Variants in MCTP2 observed in about 807,000 individuals in gnomAD.
MCTP2 encodes multiple C2 and transmembrane domain containing 2, also known as multiple C2 and transmembrane domain-containing protein 2.
A neutral mutation model predicts 111.6 loss-of-function variants in MCTP2; 132 were observed. The observed-to-expected ratio is 1.18, with a 90% CI of 1.03 to 1.37. MCTP2 has a LOEUF of 1.37. MCTP2 is among the 40% of genes most tolerant of loss of function. The pLI is 0.00. For missense variants in MCTP2, 1,183 were observed against 1,067.9 expected (o/e 1.11, Z -1.50); for synonymous variants, 395 against 387.7 (o/e 1.02, Z -0.22).
At chr15:94,435,397 A>G (rs1442283331) in intron 17 of MCTP2, among the ~76,000 whole-genome samples, 1 of 152,132 alleles carries the variant, frequency 6.6e-6, no homozygotes, top group Non-Finnish European at 1.5e-5. Flanking sequence ...ATTCTAAAAT[A>G]CTGTGTTGCT....
At chr15:94,284,810 A>G (rs549847111) in intron 1 of MCTP2, among the ~76,000 whole-genome samples, 4 of 148,942 alleles carry the variant, frequency 2.7e-5, no homozygotes, top group African/African-American at 9.6e-5. Flanking sequence ...GAAAATGATT[A>G]TGGGCTGAGG....
At chr15:94,426,140 TTGAGAG>T (rs960181600) in intron 17 of MCTP2, among the ~76,000 whole-genome samples, 4 of 59,540 alleles carry the variant, frequency 6.7e-5, no homozygotes, top group South Asian at 5.9e-4. Context: ...GAGAGAGAGA[TTGAGAG>T]AGAGAGAGAG....
At chr15:94,459,724 C>T (rs1399433087) in intron 20 of MCTP2, among the ~76,000 whole-genome samples, 1 of 152,028 alleles carries the variant, frequency 6.6e-6, no homozygotes, top group Non-Finnish European at 1.5e-5. Flanking sequence ...TATTCATTTC[C>T]TCACTCAACT....
chr15:94,274,795 C>A (rs888595910), intron 1 of MCTP2, among the ~76,000 whole-genome samples: 2 of 152,058 alleles, frequency 1.3e-5, no homozygotes, highest in Non-Finnish European at 2.9e-5. Context: ...AAAAATGCCA[C>A]CAATTTTACA....
At chr15:94,368,093 G>A (rs2152436112) in intron 11 of MCTP2, among the ~76,000 whole-genome samples, 1 of 151,410 alleles carries the variant, frequency 6.6e-6, no homozygotes, top group Non-Finnish European at 1.5e-5. Context: ...TCCTGCTTAG[G>A]CTGTGTGTGT....
chr15:94,392,965 TAAC>T (rs2081078312), intron 14 of MCTP2, among the ~76,000 whole-genome samples: 2 of 152,168 alleles, frequency 1.3e-5, no homozygotes, highest in African/African-American at 4.8e-5. Context: ...GTTTATGAAT[TAAC>T]AATTAAAAAT....
At chr15:94,247,657 A>G (rs915185720) in intron 1 of MCTP2, among the ~76,000 whole-genome samples, 1 of 152,188 alleles carries the variant, frequency 6.6e-6, no homozygotes, top group Non-Finnish European at 1.5e-5. Context: ...CTGACCTTCA[A>G]TCAGTAAGAC....
intron 1 of MCTP2, among the ~76,000 whole-genome samples, chr15:94,286,684 A>AT (rs894508463): frequency 5.9e-5 from 9 of 152,186 alleles, no homozygotes; most frequent in Admixed American, 5.9e-4. Context: ...TCAATCAGAG[A>AT]TTTGGGGGCT....
intron 1 of MCTP2, among the ~76,000 whole-genome samples, chr15:94,244,761 T>C (rs539776760): frequency 6.7e-6 from 1 of 149,826 alleles, no homozygotes; most frequent in Non-Finnish European, 1.5e-5. Context: ...CACCTATGTT[T>C]ATATTCGTAT....
At chr15:94,245,866 G>A (rs1340319488) in intron 1 of MCTP2, among the ~76,000 whole-genome samples, 1 of 151,670 alleles carries the variant, frequency 6.6e-6, no homozygotes, top group Admixed American at 6.6e-5. Flanking sequence ...ATGATTTCAC[G>A]TTTAAACAGG....
At chr15:94,244,275 CATA>C (rs2071518322) in intron 1 of MCTP2, among the ~76,000 whole-genome samples, 1 of 142,470 alleles carries the variant, frequency 7.0e-6, no homozygotes, top group Non-Finnish European at 1.5e-5. Flanking sequence ...TATATACACA[CATA>C]TATACACATA....
At chr15:94,243,251 G>A (rs965993635) in intron 1 of MCTP2, among the ~76,000 whole-genome samples, 2 of 147,572 alleles carry the variant, frequency 1.4e-5, no homozygotes, top group Non-Finnish European at 3.0e-5. Flanking sequence ...GCGTATATGC[G>A]TATATACATA....
At chr15:94,451,071 C>T (rs566023452) in intron 19 of MCTP2, among the ~76,000 whole-genome samples, 2 of 151,964 alleles carry the variant, frequency 1.3e-5, no homozygotes, top group Non-Finnish European at 1.5e-5. Flanking sequence ...AATTTTTTTT[C>T]TTTTTTAAAA....
intron 17 of MCTP2, among the ~76,000 whole-genome samples, chr15:94,412,290 CT>C (rs199560639): frequency 2.1e-3 from 292 of 140,426 alleles, no homozygotes; most frequent in Non-Finnish European, 2.2e-3. Context: ...TTGGACTCTG[CT>C]TTTTTTTTTT....
At chr15:94,414,354 T>C (rs2082285055) in intron 17 of MCTP2, among the ~76,000 whole-genome samples, 1 of 152,160 alleles carries the variant, frequency 6.6e-6, no homozygotes, top group African/African-American at 2.4e-5. Context: ...CAATTACTCA[T>C]GAGGGAGAGG....
intron 4 of MCTP2, among the ~76,000 whole-genome samples, chr15:94,332,387 A>C (rs1261493409): frequency 1.3e-5 from 2 of 152,234 alleles, no homozygotes; most frequent in Non-Finnish European, 2.9e-5. Flanking sequence ...GTATATTCAG[A>C]AGACTATAAA....
intron 17 of MCTP2, among the ~76,000 whole-genome samples, chr15:94,406,639 G>A (rs906272933): frequency 6.6e-6 from 1 of 152,108 alleles, no homozygotes; most frequent in Non-Finnish European, 1.5e-5. Context: ...CCAGCCCCTG[G>A]GCATCACATG....
chr15:94,243,879 T>TTATGTACACATA (rs1202065650), intron 1 of MCTP2, among the ~76,000 whole-genome samples: 1 of 147,958 alleles, frequency 6.8e-6, no homozygotes, highest in East Asian at 2.0e-4. Context: ...GTGTATATAT[T>TTATGTACACATA]TATGTACACA....
chr15:94,438,747 A>G (rs1178339800), intron 17 of MCTP2, among the ~76,000 whole-genome samples: 1 of 152,190 alleles, frequency 6.6e-6, no homozygotes, highest in African/African-American at 2.4e-5. Flanking sequence ...AGTATTTATA[A>G]AACATTTCAA....
Sources: gnomAD v4.1 joint callset for allele counts (sites outside exome capture counted in the v4.1 genomes callset) on GRCh38, gnomAD v4.1.1 for gene constraint, MANE v1.5 for transcripts, NCBI Gene and HGNC (gene_info 2026-07-23, HGNC 2026-07-21) for gene names.